Variants in JAM3 observed in about 807,000 individuals in gnomAD.
The protein encoded by JAM3 is junctional adhesion molecule 3.
A neutral mutation model predicts 39.4 loss-of-function variants in JAM3; 31 were observed. The observed-to-expected ratio is 0.79, with a 90% confidence interval of 0.59 to 1.06. JAM3 has a LOEUF of 1.06. Among genes scored for constraint, JAM3 ranks in the 50% least tolerant of loss-of-function variants. The pLI is 0.00. For synonymous variants in JAM3, 182 were observed against 148.7 expected (o/e 1.22, Z -1.63); for missense variants, 455 against 391.4 (o/e 1.16, Z -1.37).
intron 1 of JAM3, among the ~76,000 whole-genome samples, chr11:134,136,137 C>T (rs1192451904): frequency 1.4e-5 from 1 of 73,142 alleles, no homozygotes; most frequent in Non-Finnish European, 2.3e-5. Context: ...ATGGACAGGC[C>T]AAAATAGGAA....
chr11:134,149,087 G>C lies in JAM3; in HGVS notation c.898-59G>C, dbSNP rs1215757153. The C allele has an allele frequency of 9.4e-6, 15 of 1,603,162 alleles. No individual in the cohort carries two copies. In the East Asian group the frequency reaches 3.1e-4, roughly 33 times the overall value. On this transcript the variant is annotated intron_variant, in intron 8 of 8. Transcript: ENST00000299106. ...TTAGCCCATGTTAGACTTACTCCGT[G>C]TTTTTCCCTGCTTGCCACCAGGCCC...
intron 1 of JAM3, among the ~76,000 whole-genome samples, chr11:134,132,626 C>T (rs1212268865): frequency 6.6e-6 from 1 of 152,192 alleles, no homozygotes; most frequent in Non-Finnish European, 1.5e-5. Flanking sequence ...TCTGGTAAGA[C>T]AATTTCTCTT....
intron 1 of JAM3, among the ~76,000 whole-genome samples, chr11:134,069,361 T>C: frequency 6.6e-6 from 1 of 151,946 alleles, no homozygotes; most frequent in South Asian, 2.1e-4. Flanking sequence ...GCGGGGGCCC[T>C]GGGACGCCCG....
At chr11:134,079,424 A>C (rs1214147723) in intron 1 of JAM3, among the ~76,000 whole-genome samples, 3 of 152,194 alleles carry the variant, frequency 2.0e-5, no homozygotes, top group African/African-American at 7.2e-5. Context: ...CCACAGGATG[A>C]AGTGCTGGTT....
chr11:134,129,236 C>T (rs1406055086), intron 1 of JAM3, among the ~76,000 whole-genome samples: 4 of 151,932 alleles, frequency 2.6e-5, no homozygotes, highest in African/African-American at 9.7e-5. Context: ...CCTGCCTCAG[C>T]CTCCCAAGTA....
chr11:134,089,821 C>G (rs1176198990), intron 1 of JAM3, among the ~76,000 whole-genome samples: 1 of 152,134 alleles, frequency 6.6e-6, no homozygotes, highest in Non-Finnish European at 1.5e-5. Context: ...TGGGTATATA[C>G]CCAGTAATGG....
chr11:134,099,494 A>G (rs1565488039), intron 1 of JAM3, among the ~76,000 whole-genome samples: 1 of 152,152 alleles, frequency 6.6e-6, no homozygotes, highest in African/African-American at 2.4e-5. Flanking sequence ...ATAAGACAGT[A>G]TTTGTCATCT....
chr11:134,094,553 G>A (rs544472), intron 1 of JAM3, among the ~76,000 whole-genome samples: 3 of 148,024 alleles, frequency 2.0e-5, no homozygotes, highest in Admixed American at 6.7e-5. Context: ...CCTGAGGGAA[G>A]CTTCTCCTGA....
At chr11:134,105,578 G>A (rs1023075454) in intron 1 of JAM3, among the ~76,000 whole-genome samples, 1 of 152,158 alleles carries the variant, frequency 6.6e-6, no homozygotes, top group African/African-American at 2.4e-5. Context: ...GTTTGTAGAT[G>A]ACATGATTGT....
At chr11:134,124,512 G>C (rs1026486065) in intron 1 of JAM3, among the ~76,000 whole-genome samples, 3 of 152,154 alleles carry the variant, frequency 2.0e-5, no homozygotes, top group African/African-American at 4.8e-5. Context: ...GATAAGCAAA[G>C]TATTTAGAAT....
rs564295131 is a variant in JAM3 at position 134,150,736 on chromosome 11, A to T, written c.*1555A>T. ...TCTGTCAAGTACAATAACATTTTTAAAAGAAAATGGATCCCACTGTTCCTC... is the reference window on the plus strand; with the variant it reads ...TCTGTCAAGTACAATAACATTTTTATAAGAAAATGGATCCCACTGTTCCTC... On this transcript the variant is annotated 3_prime_UTR_variant, in exon 9 of 9. Transcript: ENST00000299106. The T allele has an allele frequency of 6.6e-6, 1 of 152,250 alleles. No homozygotes were observed. The highest frequency in any genetic ancestry group is 1.9e-4 in the East Asian group (1 of 5,186). The allele number at this position is 152,250 out of a possible 1,614,324, so 9.4% of individuals were successfully genotyped here.
At chr11:134,103,165 C>T (rs980777764) in intron 1 of JAM3, among the ~76,000 whole-genome samples, 5 of 152,190 alleles carry the variant, frequency 3.3e-5, no homozygotes, top group Admixed American at 2.0e-4. Flanking sequence ...GTGGATTTCT[C>T]GGCAGAAACT....
At chr11:134,113,175 T>G (rs1213835565) in intron 1 of JAM3, among the ~76,000 whole-genome samples, 1 of 150,742 alleles carries the variant, frequency 6.6e-6, no homozygotes, top group Admixed American at 6.6e-5. Flanking sequence ...ATTGACAATG[T>G]GGGTTCTGGG....
intron 1 of JAM3, among the ~76,000 whole-genome samples, chr11:134,098,423 G>T (rs1196611763): frequency 6.6e-6 from 1 of 152,166 alleles, no homozygotes. Flanking sequence ...GTTCACGTGA[G>T]ATAATTTGGG....
At chr11:134,090,173 T>C (rs1941820006) in intron 1 of JAM3, among the ~76,000 whole-genome samples, 2 of 152,198 alleles carry the variant, frequency 1.3e-5, no homozygotes, top group Non-Finnish European at 2.9e-5. Flanking sequence ...TTTTTCTTTT[T>C]TGTTGGAGTT....
At chr11:134,090,043 A>T (rs1941816771) in intron 1 of JAM3, among the ~76,000 whole-genome samples, 1 of 152,130 alleles carries the variant, frequency 6.6e-6, no homozygotes, top group Non-Finnish European at 1.5e-5. Context: ...TTTGATTTGC[A>T]TTTGTCTGAT....
At chr11:134,091,924 C>G (rs924831616) in intron 1 of JAM3, among the ~76,000 whole-genome samples, 2 of 150,056 alleles carry the variant, frequency 1.3e-5, no homozygotes, top group Non-Finnish European at 3.0e-5. Flanking sequence ...TATTTATAAT[C>G]TTACTATCAG....
At chr11:134,139,708 AAG>A in intron 1 of JAM3, 141 bp from the exon 2 acceptor site, 1 of 710,018 alleles carries the variant, frequency 1.4e-6, no homozygotes, top group Non-Finnish European at 2.6e-6. Context: ...TGGCTTACCT[AAG>A]AGACTTTATT....
intron 6 of JAM3, 52 bp from the exon 7 acceptor site, chr11:134,148,495 T>TA (rs1943120584): frequency 6.2e-7 from 1 of 1,613,550 alleles, no homozygotes; most frequent in African/African-American, 1.3e-5. Flanking sequence ...AGGGCCTTTT[T>TA]AAATAACAGA....
Sources: gnomAD v4.1 joint callset for allele counts (sites outside exome capture counted in the v4.1 genomes callset) on GRCh38, gnomAD v4.1.1 for gene constraint, MANE v1.5 for transcripts, NCBI Gene and HGNC (gene_info 2026-07-23, HGNC 2026-07-21) for gene names.